Variants in PHLDB2 observed in about 807,000 individuals in gnomAD.
The protein encoded by PHLDB2 is pleckstrin homology like domain family B member 2, also known as pleckstrin homology-like domain family B member 2.
PHLDB2 carries 71 observed loss-of-function variants against 123.6 expected under a neutral mutation model. The observed-to-expected ratio is 0.57, with a 90% CI of 0.47 to 0.70. PHLDB2 has a LOEUF of 0.70. Among genes scored for constraint, PHLDB2 ranks in the 30% least tolerant of loss-of-function variants. The probability of loss-of-function intolerance (pLI) is 0.00; values close to 1 mark genes in which losing one functional copy is unlikely to be tolerated. For missense variants in PHLDB2, 1,446 were observed against 1,519.5 expected (o/e 0.95, Z 0.80); for synonymous variants, 547 against 541.6 (o/e 1.01, Z -0.14).
intron 1 of PHLDB2, among the ~76,000 whole-genome samples, chr3:111,834,235 A>AATAGAAT (rs2063275344): frequency 1.0e-5 from 1 of 98,562 alleles, no homozygotes; most frequent in Admixed American, 1.2e-4. Context: ...TATATTATGT[A>AATAGAAT]TATAATAGAA....
intron 1 of PHLDB2, among the ~76,000 whole-genome samples, chr3:111,761,871 A>T (rs1056706631): frequency 6.6e-6 from 1 of 152,284 alleles, no homozygotes; most frequent in East Asian, 1.9e-4. Context: ...TTTTTTTTTA[A>T]TAGCAGAAAA....
Position 111,764,034 on chromosome 3 carries a change from A to G in PHLDB2, c.-49+31331A>G, listed in dbSNP as rs2060037724. On this transcript the variant is annotated intron_variant, in intron 1 of 17. Coordinates refer to the PHLDB2 transcript ENST00000393923. Reference sequence around the variant, plus strand: ...AAGGAAGCAGTTTGGCCTTCTGGTAATGGTATAACTCTGGATTCAGACAGA... The same window carrying G: ...AAGGAAGCAGTTTGGCCTTCTGGTAGTGGTATAACTCTGGATTCAGACAGA... 1.3e-5 allele frequency among the ~76,000 whole-genome samples: 2 copies of G among 152,204 alleles called. 1 individual carries two copies. The highest frequency in any genetic ancestry group is 4.1e-4 in the South Asian group (2 of 4,832).
chr3:111,771,419 G>A (rs367784406), intron 1 of PHLDB2, among the ~76,000 whole-genome samples: 65 of 151,708 alleles, frequency 4.3e-4, no homozygotes, highest in South Asian at 2.1e-3. Flanking sequence ...GTGCCATCTC[G>A]GTTCACTGCA....
At chr3:111,930,123 A>G (rs2069049594) in intron 5 of PHLDB2, among the ~76,000 whole-genome samples, 1 of 151,390 alleles carries the variant, frequency 6.6e-6, no homozygotes, top group Non-Finnish European at 1.5e-5. Context: ...CGTGTTAGCC[A>G]GGATGGTCTC....
At chr3:111,787,872 T>C (rs187131126) in intron 1 of PHLDB2, among the ~76,000 whole-genome samples, 10 of 152,342 alleles carry the variant, frequency 6.6e-5, no homozygotes, top group Admixed American at 6.5e-4. Flanking sequence ...CCAATTTTTT[T>C]CTACAGTTTT....
At chr3:111,845,579 T>C (rs1390742745) in intron 1 of PHLDB2, among the ~76,000 whole-genome samples, 1 of 152,194 alleles carries the variant, frequency 6.6e-6, no homozygotes, top group East Asian at 1.9e-4. Flanking sequence ...TTGTCTATTC[T>C]AGATAAAAGT....
chr3:111,738,956 C>T (rs2059554130), intron 1 of PHLDB2, among the ~76,000 whole-genome samples: 1 of 152,122 alleles, frequency 6.6e-6, no homozygotes, highest in Admixed American at 6.5e-5. Context: ...TGCTACTACA[C>T]ACACCAACAG....
chr3:111,799,088 T>C (rs548899101), intron 1 of PHLDB2, among the ~76,000 whole-genome samples: 4 of 152,284 alleles, frequency 2.6e-5, no homozygotes, highest in South Asian at 2.1e-4. Flanking sequence ...TATAAAACCA[T>C]TGGACCTTGT....
intron 1 of PHLDB2, among the ~76,000 whole-genome samples, chr3:111,754,597 CAG>C (rs1265556159): frequency 1.2e-3 from 156 of 134,890 alleles, no homozygotes; most frequent in African/African-American, 4.3e-3. Context: ...CATCTGCAAA[CAG>C]GGACAATTTG....
intron 1 of PHLDB2, among the ~76,000 whole-genome samples, chr3:111,753,732 T>C (rs1361103187): frequency 2.6e-5 from 4 of 152,220 alleles, no homozygotes; most frequent in Non-Finnish European, 4.4e-5. Context: ...CCCATGCCTA[T>C]GTCCTGAATG....
At chr3:111,956,293 A>G (rs890518813) in intron 12 of PHLDB2, among the ~76,000 whole-genome samples, 8 of 152,244 alleles carry the variant, frequency 5.3e-5, no homozygotes, top group Non-Finnish European at 8.8e-5. Flanking sequence ...AGCCATTAAC[A>G]TTACCATTTA....
In PHLDB2 at chr3:111,920,357, T is replaced by G; in HGVS notation, c.1939T>G (p.Leu647Val). The change falls in exon 5 of 18, where the codon TTG becomes GTG. Residue 647 changes from leucine (L) to valine (V), a missense_variant. Leu to Val is a conservative substitution (Grantham distance 32, BLOSUM62 1). Coordinates refer to ENST00000431670, the MANE Select transcript of PHLDB2 (RefSeq NM_001134438.2). Reference protein sequence around the residue: ...TTELMKEKEILDHLNRKIAEL... With the variant: ...TTELMKEKEIVDHLNRKIAEL... ...TGAACTTATGAAGGAGAAGGAGATT[T>G]TGGATCATCTAAACCGGAAAATAGC... 6.2e-7 allele frequency: 1 copy of G among 1,614,060 alleles called. No homozygotes were observed. The highest frequency in any genetic ancestry group is 8.5e-7 in the Non-Finnish European group (1 of 1,179,960).
At chr3:111,835,969 T>C (rs2063377285) in intron 1 of PHLDB2, among the ~76,000 whole-genome samples, 2 of 152,052 alleles carry the variant, frequency 1.3e-5, no homozygotes, top group African/African-American at 4.8e-5. Context: ...AGGGGAGAAA[T>C]GTAGACCCCA....
chr3:111,908,915 G>A (rs2067708513), intron 2 of PHLDB2, among the ~76,000 whole-genome samples: 1 of 152,078 alleles, frequency 6.6e-6, no homozygotes, highest in Non-Finnish European at 1.5e-5. Flanking sequence ...CTCAGACCAG[G>A]GTTCCTGACT....
chr3:111,860,677 G>A (rs571956985), intron 1 of PHLDB2, among the ~76,000 whole-genome samples: 1 of 152,240 alleles, frequency 6.6e-6, no homozygotes, highest in South Asian at 2.1e-4. Flanking sequence ...ATGTAAAAGA[G>A]GGAGCGACGC....
intron 1 of PHLDB2, among the ~76,000 whole-genome samples, chr3:111,796,054 G>A (rs1266982864): frequency 4.0e-5 from 6 of 151,782 alleles, no homozygotes; most frequent in East Asian, 3.9e-4. Flanking sequence ...CCGCCACCAC[G>A]CCCGGGCTAA....
chr3:111,866,930 G>GTGT (rs1553742798), intron 1 of PHLDB2, among the ~76,000 whole-genome samples: 8 of 126,004 alleles, frequency 6.3e-5, no homozygotes, highest in African/African-American at 1.7e-4. Flanking sequence ...GTTTCTAAGG[G>GTGT]GTGTGTGTGT....
intron 5 of PHLDB2, among the ~76,000 whole-genome samples, chr3:111,924,287 GC>G (rs1319212847): frequency 2.0e-5 from 3 of 152,204 alleles, no homozygotes; most frequent in Non-Finnish European, 4.4e-5. Context: ...TTTGTTTTGA[GC>G]CTACTAGACA....
rs1262516709 is a variant in PHLDB2, at chr3:111,975,817, A to G, written c.*1254A>G. On this transcript the variant is annotated 3_prime_UTR_variant, in exon 18 of 18. Coordinates refer to ENST00000431670, the MANE Select transcript of PHLDB2 (RefSeq NM_001134438.2). ...AAACATGGCAAATGAATAGATGTAGAGAATAACAATATTACTTACAAGATG... is the reference window on the plus strand; with the variant it reads ...AAACATGGCAAATGAATAGATGTAGGGAATAACAATATTACTTACAAGATG... 1 of 152,666 alleles carries G rather than the reference A, an allele frequency of 6.6e-6. No individual in the cohort carries two copies. Among genetic ancestry groups the G allele is most frequent in the African/African-American group, 2.4e-5 (1 of 41,458 alleles). 9.5% of individuals were successfully genotyped at this position (152,666 alleles called of 1,614,324 possible). A position where few individuals can be genotyped will look rare whatever the true frequency, so the allele number is the denominator to read the frequency against.
Sources: allele counts gnomAD v4.1 joint callset (sites outside exome capture counted in the v4.1 genomes callset), GRCh38; gene constraint gnomAD v4.1.1; transcripts MANE v1.5; gene names NCBI Gene and HGNC (gene_info 2026-07-23, HGNC 2026-07-21).